BRINP2: variants seen among roughly 807,000 people sequenced by gnomAD.
BRINP2 encodes the protein BMP/retinoic acid inducible neural specific 2, also known as BMP/retinoic acid-inducible neural-specific protein 2.
Under a neutral mutation model 69.2 loss-of-function variants are expected in BRINP2, and 21 were observed. The observed-to-expected ratio is 0.30, with a 90% CI of 0.22 to 0.44. The LOEUF (loss-of-function observed/expected upper bound fraction) is 0.44. BRINP2 is among the 20% of genes least tolerant of loss of function. The pLI, the probability that BRINP2 is intolerant of heterozygous loss-of-function variation, is 1.00. For missense variants in BRINP2, 877 were observed against 986.0 expected (o/e 0.89, Z 1.48); for synonymous variants, 380 against 394.1 (o/e 0.96, Z 0.42).
At position 177,171,292 on chromosome 1, in the gene BRINP2, C is replaced by G. The variant is rs146812772; in HGVS notation, c.-517C>G. 8.2e-3 allele frequency among the ~76,000 whole-genome samples: 1,253 copies of G among 152,306 alleles called. 68 individuals are homozygous for G. Among genetic ancestry groups the G allele is most frequent in the Admixed American group, 0.076 (1,164 of 15,302 alleles). ...GAAGGCAAAATCTTGGGTTTCTCCT[C>G]GGCGGAGGGACAGGGGACTCCCCCA... On this transcript the variant is annotated 5_prime_UTR_variant, in exon 1 of 8. Coordinates refer to ENST00000361539, the MANE Select transcript of BRINP2 (RefSeq NM_021165.4).
At position 177,182,585 on chromosome 1, in the gene BRINP2, C is replaced by A. The variant is rs79895500; in HGVS notation, c.-77+10853C>A. Among the ~76,000 whole-genome samples, 578 of 152,242 alleles carry A rather than the reference C, an allele frequency of 3.8e-3. 3 individuals are homozygous for A. Among genetic ancestry groups the A allele is most frequent in the African/African-American group, 0.013 (553 of 41,540 alleles). On this transcript the variant is annotated intron_variant, in intron 1 of 7. Coordinates refer to ENST00000361539, the MANE Select transcript of BRINP2 (RefSeq NM_021165.4). ...GCTCTGAGCTACAACCCTTAAAGAA[C>A]GCACCAGTACAGGCTTAATGAAGAA...
chr1:177,276,023 A>C (rs1558187073), intron 5 of BRINP2, among the ~76,000 whole-genome samples, 175 bp from the exon 6 acceptor site: 2 of 152,192 alleles, frequency 1.3e-5, no homozygotes, highest in Admixed American at 6.5e-5. Flanking sequence ...TCACTGGGGC[A>C]GTAGTAGCCT....
Position 177,256,228 on chromosome 1 carries a change from G to A in BRINP2, c.460+119G>A, listed in dbSNP as rs565057857. ...TTCCGGGCCTTTTATTGCCTGAGAA[G>A]TCTTTCTGGTGCATTTGAAAACAGT... On this transcript the variant is annotated intron_variant, in intron 3 of 7. Transcript: ENST00000361539. 1,746 of 1,422,136 alleles carry A rather than the reference G, an allele frequency of 1.2e-3. 6 individuals are homozygous for A. The Middle Eastern group carries it at 0.017, about 14-fold the overall frequency. 88.1% of individuals were successfully genotyped at this position (1,422,136 alleles called of 1,614,324 possible).
chr1:177,216,840 G>A (rs560440243), intron 1 of BRINP2, among the ~76,000 whole-genome samples: 17 of 146,424 alleles, frequency 1.2e-4, no homozygotes, highest in African/African-American at 2.8e-4. Flanking sequence ...CTCCTGGCCC[G>A]CGGTGTTTCT....
intron 6 of BRINP2, among the ~76,000 whole-genome samples, chr1:177,277,144 C>T (rs2102363283): frequency 6.7e-6 from 1 of 148,256 alleles, no homozygotes; most frequent in African/African-American, 2.6e-5. Flanking sequence ...CAAAGCAAGA[C>T]AAAAAGGTTA....
At chr1:177,209,504 G>A (rs986759030) in intron 1 of BRINP2, among the ~76,000 whole-genome samples, 4 of 152,208 alleles carry the variant, frequency 2.6e-5, no homozygotes, top group Non-Finnish European at 5.9e-5. Flanking sequence ...CAAGGCTGTA[G>A]AACTGGCAGA....
rs1571889955 is a variant in BRINP2, at chr1:177,193,444, G to A, written c.-77+21712G>A. ...CTGCCTTATGTTAATGGCATTTATA[G>A]GATCTAAAGAGGTAATACTAATGGA... On this transcript the variant is annotated intron_variant, in intron 1 of 7. Coordinates refer to ENST00000361539, the MANE Select transcript of BRINP2 (RefSeq NM_021165.4). Among the ~76,000 whole-genome samples the A allele has an allele frequency of 2.0e-5, 3 of 152,240 alleles. No homozygotes were observed. The East Asian group carries it at 5.8e-4, about 29-fold the overall frequency.
intron 2 of BRINP2, among the ~76,000 whole-genome samples, chr1:177,243,742 C>G (rs891879643): frequency 2.0e-5 from 3 of 152,140 alleles, no homozygotes; most frequent in Non-Finnish European, 4.4e-5. Context: ...ATGTCACACT[C>G]CAATACAATT....
intron 2 of BRINP2, among the ~76,000 whole-genome samples, chr1:177,242,274 C>T (rs1650228786): frequency 6.6e-6 from 1 of 152,102 alleles, no homozygotes; most frequent in Non-Finnish European, 1.5e-5. Flanking sequence ...GTCCATCTGT[C>T]CCCCAAAAAT....
chr1:177,175,137 A>G (rs1648049698), intron 1 of BRINP2, among the ~76,000 whole-genome samples: 1 of 152,238 alleles, frequency 6.6e-6, no homozygotes, highest in Non-Finnish European at 1.5e-5. Context: ...AAAATGCCAA[A>G]GCCCTTAGGC....
At chr1:177,212,519 T>C (rs806253) in intron 1 of BRINP2, among the ~76,000 whole-genome samples, 47,244 of 150,896 alleles carry the variant, frequency 0.31, 7,572 homozygotes, top group East Asian at 0.39. Flanking sequence ...CACTCCAGCC[T>C]GGGCGACAGA....
intron 1 of BRINP2, among the ~76,000 whole-genome samples, chr1:177,217,059 GT>G (rs1344265160): frequency 6.6e-6 from 1 of 151,436 alleles, no homozygotes; most frequent in African/African-American, 2.4e-5. Flanking sequence ...GATTAGAGAC[GT>G]TTTCATCCAT....
chr1:177,272,084 A>G (rs1365272347), intron 4 of BRINP2, among the ~76,000 whole-genome samples: 1 of 152,214 alleles, frequency 6.6e-6, no homozygotes, highest in East Asian at 1.9e-4. Flanking sequence ...TGTGTGCTGC[A>G]GAGATCACAC....
At chr1:177,267,409 C>G (rs114417088) in intron 4 of BRINP2, among the ~76,000 whole-genome samples, 5,108 of 152,294 alleles carry the variant, frequency 0.034, 106 homozygotes, top group Middle Eastern at 0.082. Context: ...ACCTCGATGA[C>G]TTCAACTTAC....
At chr1:177,222,998 A>G (rs1036583663) in intron 1 of BRINP2, among the ~76,000 whole-genome samples, 5 of 152,160 alleles carry the variant, frequency 3.3e-5, no homozygotes, top group South Asian at 2.1e-4. Context: ...GCGACTTTTT[A>G]TTTAGAAGTA....
At chr1:177,208,487 C>T (rs992828156) in intron 1 of BRINP2, among the ~76,000 whole-genome samples, 8 of 152,168 alleles carry the variant, frequency 5.3e-5, no homozygotes, top group Non-Finnish European at 8.8e-5. Flanking sequence ...GGTGTGGTGA[C>T]GGCTGTAACC....
chr1:177,212,980 A>T (rs1047479975), intron 1 of BRINP2, among the ~76,000 whole-genome samples: 2 of 152,186 alleles, frequency 1.3e-5, no homozygotes, highest in South Asian at 4.1e-4. Flanking sequence ...AAAAGAAAAT[A>T]TGTGCTTAAT....
chr1:177,256,897 G>T, intron 3 of BRINP2: 1 of 1,256,268 alleles, frequency 8.0e-7, no homozygotes, highest in Non-Finnish European at 1.0e-6. Context: ...TATGAAGATG[G>T]ATTGCTTGAG....
intron 4 of BRINP2, among the ~76,000 whole-genome samples, chr1:177,262,449 T>C (rs1293411785): frequency 6.6e-6 from 1 of 151,394 alleles, no homozygotes; most frequent in Non-Finnish European, 1.5e-5. Context: ...GAGACGGAGG[T>C]TGCAGCGAGC....
Sources: allele counts gnomAD v4.1 joint callset (sites outside exome capture counted in the v4.1 genomes callset), GRCh38; gene constraint gnomAD v4.1.1; transcripts MANE v1.5; gene names NCBI Gene and HGNC (gene_info 2026-07-23, HGNC 2026-07-21).